The following CFAP70 variants were observed in gnomAD, a reference collection of about 807,000 sequenced individuals.
CFAP70 encodes the protein cilia- and flagella-associated protein 70.
CFAP70 carries 81 observed loss-of-function variants against 137.6 expected under a neutral mutation model. The ratio of observed to expected loss-of-function variants is 0.59; its 90% confidence interval spans 0.49 to 0.71. CFAP70 has a LOEUF of 0.71. Among genes scored for constraint, CFAP70 ranks in the 30% least tolerant of loss-of-function variants. CFAP70 has a pLI of 0.00. For missense variants in CFAP70, 976 were observed against 1,226.7 expected (o/e 0.80, Z 3.05); for synonymous variants, 382 against 423.6 (o/e 0.90, Z 1.20).
intron 16 of CFAP70, among the ~76,000 whole-genome samples, chr10:73,292,568 C>G (rs1409786412): frequency 6.6e-6 from 1 of 152,090 alleles, no homozygotes; most frequent in East Asian, 1.9e-4. Context: ...CAGTGAAATG[C>G]CTCAAAATTC....
At chr10:73,296,965 AC>A in intron 15 of CFAP70, 76 bp downstream of exon 16, 1 of 1,506,278 alleles carries the variant, frequency 6.6e-7, no homozygotes, top group African/African-American at 1.4e-5. Flanking sequence ...CGTTGAATAA[AC>A]AAAGGAAGGA....
intron 26 of CFAP70, among the ~76,000 whole-genome samples, chr10:73,255,073 G>A (rs1407919553): frequency 6.6e-6 from 1 of 152,090 alleles, no homozygotes; most frequent in Non-Finnish European, 1.5e-5. Context: ...GACCAGCCTG[G>A]CCAACATAGC....
intron 19 of CFAP70, among the ~76,000 whole-genome samples, chr10:73,279,380 C>T (rs1446425391): frequency 6.6e-5 from 10 of 151,570 alleles, no homozygotes; most frequent in East Asian, 5.8e-4. Context: ...AAAAATTAGC[C>T]GGGCCTGGTG....
In CFAP70 at chr10:73,309,157, G is replaced by C. The variant is rs2049678030; in HGVS notation, c.1256+1001C>G. ...CTTTTAGCAAGACTGACTGAAAAAA[G>C]AGAGAAGACATGAAAGTGGAAACAT... On this transcript the variant is annotated intron_variant, in intron 12 of 26. Coordinates refer to ENST00000310715, the Ensembl canonical transcript of CFAP70. Among the ~76,000 whole-genome samples the C allele has an allele frequency of 2.0e-5, 3 of 152,128 alleles. No homozygotes were observed. The South Asian group carries it at 6.2e-4, about 32-fold the overall frequency.
intron 8 of CFAP70, among the ~76,000 whole-genome samples, chr10:73,328,051 A>G (rs1489169398): frequency 1.3e-5 from 2 of 152,174 alleles, no homozygotes; most frequent in Non-Finnish European, 2.9e-5. Flanking sequence ...AGCCAAAAGA[A>G]CAAAGCTGGA....
At chr10:73,345,003 A>G (rs2053587305) in intron 5 of CFAP70, 62 bp downstream of exon 6, 3 of 1,362,644 alleles carry the variant, frequency 2.2e-6, no homozygotes, top group Non-Finnish European at 3.1e-6. Flanking sequence ...GGTGAGGAAG[A>G]GATGGCCATA....
intron 12 of CFAP70, among the ~76,000 whole-genome samples, chr10:73,306,472 C>G (rs1406551889): frequency 6.6e-6 from 1 of 152,068 alleles, no homozygotes; most frequent in Non-Finnish European, 1.5e-5. Context: ...TTGTCACATA[C>G]AAGTGATCCT....
At chr10:73,331,240 A>G in exon 8 of CFAP70, 1 of 1,613,752 alleles carries the variant, frequency 6.2e-7, no homozygotes, top group Non-Finnish European at 8.5e-7. Context: ...TGATCTCTAC[A>G]GGCCAAAGCC....
intron 14 of CFAP70, among the ~76,000 whole-genome samples, chr10:73,298,378 A>G (rs990879662): frequency 6.6e-6 from 1 of 152,216 alleles, no homozygotes; most frequent in African/African-American, 2.4e-5. Context: ...TAGTGATTCT[A>G]TAGATTAGGG....
intron 16 of CFAP70, among the ~76,000 whole-genome samples, chr10:73,292,657 G>T (rs2048260161): frequency 6.6e-6 from 1 of 152,070 alleles, no homozygotes; most frequent in South Asian, 2.1e-4. Context: ...TTAAAAATAG[G>T]TACTCATATG....
intron 25 of CFAP70, among the ~76,000 whole-genome samples, chr10:73,262,933 T>C (rs2045405456): frequency 6.6e-6 from 1 of 152,176 alleles, no homozygotes; most frequent in Non-Finnish European, 1.5e-5. Flanking sequence ...ATGATTCAAT[T>C]TTAATACTTC....
chr10:73,279,672 AAC>A (rs2047113288), intron 19 of CFAP70, among the ~76,000 whole-genome samples: 1 of 152,044 alleles, frequency 6.6e-6, no homozygotes, highest in Non-Finnish European at 1.5e-5. Flanking sequence ...CAGCCTGAGA[AAC>A]ACAGTGAGAC....
chr10:73,343,279 A>G (rs1756393739), intron 5 of CFAP70, among the ~76,000 whole-genome samples: 1 of 152,142 alleles, frequency 6.6e-6, no homozygotes. Flanking sequence ...GCAGCAACTC[A>G]GTACCCAAGG....
intron 9 of CFAP70, among the ~76,000 whole-genome samples, chr10:73,321,791 T>C (rs897498992): frequency 6.6e-5 from 10 of 152,104 alleles, no homozygotes; most frequent in Admixed American, 2.0e-4. Flanking sequence ...TTTTCTTATA[T>C]ATATATTTTT....
intron 8 of CFAP70, among the ~76,000 whole-genome samples, chr10:73,325,365 C>T (rs985674729): frequency 3.3e-5 from 5 of 152,148 alleles, no homozygotes; most frequent in African/African-American, 1.2e-4. Flanking sequence ...ACAACCGGTA[C>T]CAGCCGCTGC....
intron 19 of CFAP70, among the ~76,000 whole-genome samples, chr10:73,280,798 T>C (rs2047198689): frequency 6.6e-6 from 1 of 152,196 alleles, no homozygotes; most frequent in Admixed American, 6.5e-5. Flanking sequence ...GTAATGTGAC[T>C]TCTTTTTTTC....
At chr10:73,316,306 G>T (rs2050328781) in intron 9 of CFAP70, among the ~76,000 whole-genome samples, 1 of 151,130 alleles carries the variant, frequency 6.6e-6, no homozygotes, top group African/African-American at 2.4e-5. Context: ...AGTGTTTTTA[G>T]ATCACTTACA....
intron 12 of CFAP70, among the ~76,000 whole-genome samples, chr10:73,309,560 G>A (rs1482117404): frequency 6.6e-6 from 1 of 151,954 alleles, no homozygotes; most frequent in Non-Finnish European, 1.5e-5. Flanking sequence ...TCTCGCCTTG[G>A]CCTTTCAAAG....
chr10:73,348,574 A>G, intron 3 of CFAP70, 53 bp from the exon 4 acceptor site: 1 of 1,178,386 alleles, frequency 8.5e-7, no homozygotes, highest in Non-Finnish European at 1.2e-6. Flanking sequence ...TCTATCCGAT[A>G]ACCAAGCTGC....
Sources: allele counts gnomAD v4.1 joint callset (sites outside exome capture counted in the v4.1 genomes callset), GRCh38; gene constraint gnomAD v4.1.1; transcripts MANE v1.5; gene names NCBI Gene and HGNC (gene_info 2026-07-23, HGNC 2026-07-21).